SH2D4B: variants seen among roughly 807,000 people sequenced by gnomAD.
SH2D4B encodes SH2 domain-containing protein 4B.
A neutral mutation model predicts 61.5 loss-of-function variants in SH2D4B; 45 were observed. The observed-to-expected ratio is 0.73, with a 90% CI of 0.58 to 0.94. SH2D4B has a LOEUF of 0.94. Ranked by LOEUF, SH2D4B falls within the 40% of genes least tolerant of loss-of-function variation. The pLI is 0.00. For missense variants in SH2D4B, 572 were observed against 574.2 expected (o/e 1.00, Z 0.04); for synonymous variants, 224 against 220.4 (o/e 1.02, Z -0.14).
intron 2 of SH2D4B, 111 bp downstream of exon 2, chr10:80,570,427 C>A: frequency 7.4e-7 from 1 of 1,342,654 alleles, no homozygotes; most frequent in Non-Finnish European, 1.0e-6. Context: ...ATCATGTTGG[C>A]CGGGCTGGTC....
intron 4 of SH2D4B, among the ~76,000 whole-genome samples, chr10:80,601,530 C>T (rs56689624): frequency 0.012 from 1,876 of 152,264 alleles, 45 homozygotes; most frequent in African/African-American, 0.043. Flanking sequence ...GTATCGCCTG[C>T]CGACTGTGTT....
chr10:80,603,508 C>A, intron 4 of SH2D4B, 71 bp from the exon 5 acceptor site: 1 of 1,373,522 alleles, frequency 7.3e-7, no homozygotes, highest in Non-Finnish European at 9.8e-7. Flanking sequence ...CCAAATACTT[C>A]CTGTCCCAGC....
At chr10:80,566,204 C>T (rs1404586280) in intron 1 of SH2D4B, among the ~76,000 whole-genome samples, 1 of 150,376 alleles carries the variant, frequency 6.6e-6, no homozygotes, top group Non-Finnish European at 1.5e-5. Flanking sequence ...CGTCTGCCTA[C>T]ATCTTCTTTG....
intron 6 of SH2D4B, among the ~76,000 whole-genome samples, chr10:80,619,649 T>C (rs1275501788): frequency 6.6e-6 from 1 of 152,246 alleles, no homozygotes; most frequent in African/African-American, 2.4e-5. Context: ...TATCATCCAT[T>C]GTCCTCCTGG....
intron 1 of SH2D4B, among the ~76,000 whole-genome samples, chr10:80,550,581 G>A (rs1448967537): frequency 1.3e-5 from 2 of 151,856 alleles, no homozygotes; most frequent in African/African-American, 2.4e-5. Flanking sequence ...GTGACAGAGT[G>A]AGATTCCGTC....
intron 5 of SH2D4B, 95 bp from the exon 6 acceptor site, chr10:80,609,329 C>T (rs1842563471): frequency 2.2e-6 from 3 of 1,341,526 alleles, no homozygotes; most frequent in South Asian, 1.5e-5. Flanking sequence ...TTTTACCTTC[C>T]TCTCCCTTCC....
chr10:80,547,229 C>G (rs999897909), intron 1 of SH2D4B, among the ~76,000 whole-genome samples: 2 of 152,218 alleles, frequency 1.3e-5, no homozygotes, highest in African/African-American at 4.8e-5. Flanking sequence ...TGTTGGGATT[C>G]TTAGCACATT....
intron 6 of SH2D4B, among the ~76,000 whole-genome samples, chr10:80,620,036 G>A (rs1281911378): frequency 6.6e-6 from 1 of 152,220 alleles, no homozygotes; most frequent in Non-Finnish European, 1.5e-5. Flanking sequence ...AGTCTGCTGA[G>A]AGACTTCAGT....
chr10:80,583,295 C>T (rs201687515), intron 3 of SH2D4B, among the ~76,000 whole-genome samples: 6 of 151,762 alleles, frequency 4.0e-5, no homozygotes, highest in Non-Finnish European at 8.8e-5. Flanking sequence ...GGAAATTACA[C>T]GTGATAGCTG....
chr10:80,593,717 A>C (rs1238351371), intron 4 of SH2D4B, among the ~76,000 whole-genome samples: 1 of 152,216 alleles, frequency 6.6e-6, no homozygotes, highest in Non-Finnish European at 1.5e-5. Context: ...TGCTCTGGCT[A>C]GAACTTCCAA....
chr10:80,637,483 A>C (rs995540579), intron 7 of SH2D4B, among the ~76,000 whole-genome samples: 3 of 152,266 alleles, frequency 2.0e-5, no homozygotes, highest in African/African-American at 7.2e-5. Flanking sequence ...TGAGTTCTCC[A>C]TGAAGAGGTC....
intron 5 of SH2D4B, among the ~76,000 whole-genome samples, chr10:80,605,318 C>T (rs1842506256): frequency 6.6e-6 from 1 of 151,614 alleles, no homozygotes; most frequent in South Asian, 2.1e-4. Context: ...GTATTCTATA[C>T]AATGTGCTGT....
chr10:80,589,135 C>T (rs1195645705), intron 4 of SH2D4B, among the ~76,000 whole-genome samples: 2 of 151,972 alleles, frequency 1.3e-5, no homozygotes, highest in African/African-American at 2.4e-5. Flanking sequence ...TCCCAAGTAG[C>T]TGGGATTACA....
intron 7 of SH2D4B, among the ~76,000 whole-genome samples, chr10:80,636,906 G>C (rs1251077569): frequency 6.6e-6 from 1 of 152,156 alleles, no homozygotes; most frequent in African/African-American, 2.4e-5. Context: ...TTCTTCTAGG[G>C]TTTTTATGGT....
At chr10:80,573,150 A>G (rs113571064) in intron 3 of SH2D4B, among the ~76,000 whole-genome samples, 3,198 of 144,750 alleles carry the variant, frequency 0.022, 131 homozygotes, top group African/African-American at 0.075. Flanking sequence ...GCGCCCGGCT[A>G]ATTTTTTTTT....
At position 80,588,724 on chromosome 10, in the gene SH2D4B, C is replaced by T. The variant is rs775793547; in HGVS notation, c.590C>T (p.Ala197Val). 3.1e-6 allele frequency: 5 copies of T among 1,614,120 alleles called. No homozygotes were observed. The South Asian group carries it at 4.4e-5, about 14-fold the overall frequency. ...AKELYWTLKQ[A>V]QLHCQASEKE... ...GAGCTCTACTGGACCCTGAAGCAGGCTCAGCTGCATTGCCAAGCCAGTGAG... is the reference window on the plus strand; with the variant it reads ...GAGCTCTACTGGACCCTGAAGCAGGTTCAGCTGCATTGCCAAGCCAGTGAG... The change falls in exon 4 of 8, where the codon GCT (alanine) becomes GTT (valine). Residue 197 changes from alanine to valine, a missense_variant. Ala to Val is a moderately conservative substitution (Grantham distance 64, BLOSUM62 0). Coordinates refer to ENST00000646907, the MANE Select transcript of SH2D4B (RefSeq NM_001388272.1).
At position 80,639,697 on chromosome 10, in the gene SH2D4B, T is replaced by A. The variant is rs999634906; in HGVS notation, c.1210-4296T>A. Among the ~76,000 whole-genome samples the A allele has an allele frequency of 4.6e-5, 7 of 152,352 alleles. No homozygotes were observed. In the South Asian group the frequency reaches 8.3e-4, roughly 18 times the overall value. On this transcript the variant is annotated intron_variant, in intron 7 of 7. Transcript: ENST00000646907. ...GTCTCTGCATGTGAGATGGGTCTCC[T>A]GAATACAGCACACTGATGGGTCTTG...
At chr10:80,636,373 ACT>A (rs1263337285) in intron 7 of SH2D4B, among the ~76,000 whole-genome samples, 5 of 152,352 alleles carry the variant, frequency 3.3e-5, no homozygotes, top group Admixed American at 1.3e-4. Context: ...GAATCGCCAC[ACT>A]GTTTTCAACA....
intron 2 of SH2D4B, 99 bp downstream of exon 2, chr10:80,570,415 C>G (rs1445731728): frequency 4.0e-5 from 56 of 1,406,510 alleles, no homozygotes; most frequent in Non-Finnish European, 5.2e-5. Flanking sequence ...AGATGGAGTT[C>G]CATCATGTTG....
Sources: allele counts gnomAD v4.1 joint callset (sites outside exome capture counted in the v4.1 genomes callset), GRCh38; gene constraint gnomAD v4.1.1; transcripts MANE v1.5; gene names NCBI Gene and HGNC (gene_info 2026-07-23, HGNC 2026-07-21).